LINGO2: variants seen among roughly 807,000 people sequenced by gnomAD.
LINGO2 encodes leucine rich repeat and Ig domain containing 2.
In LINGO2, 14 loss-of-function variants were observed where a neutral mutation model predicts 30.6. That is an observed-to-expected ratio of 0.46 (90% CI 0.30 to 0.72). The LOEUF (loss-of-function observed/expected upper bound fraction) is 0.72, where lower values mean the gene tolerates loss of function less well. Ranked by LOEUF, LINGO2 falls within the 30% of genes least tolerant of loss-of-function variation. The pLI, the probability that LINGO2 is intolerant of heterozygous loss-of-function variation, is 0.07. For synonymous variants in LINGO2, 317 were observed against 288.5 expected (o/e 1.10, Z -1.00); for missense variants, 729 against 751.7 (o/e 0.97, Z 0.35).
chr9:28,431,112 C>A (rs1823659114), intron 2 of LINGO2, among the ~76,000 whole-genome samples: 1 of 150,702 alleles, frequency 6.6e-6, no homozygotes, highest in South Asian at 2.1e-4. Context: ...ATAACCTAAT[C>A]TCAAAAGCCA....
intron 2 of LINGO2, among the ~76,000 whole-genome samples, chr9:28,453,488 A>T (rs975542864): frequency 6.6e-6 from 1 of 151,962 alleles, no homozygotes; most frequent in Non-Finnish European, 1.5e-5. Flanking sequence ...GAAATAAATA[A>T]AATATTCAGA....
chr9:29,186,417 A>G, the LINGO2 span, among the ~76,000 whole-genome samples: 1 of 152,270 alleles, frequency 6.6e-6, no homozygotes, highest in East Asian at 1.9e-4. Flanking sequence ...GGTCACATAT[A>G]TAGAACCAGG....
the LINGO2 span, among the ~76,000 whole-genome samples, chr9:28,708,463 C>A: frequency 6.6e-6 from 1 of 152,046 alleles, no homozygotes; most frequent in Non-Finnish European, 1.5e-5. Context: ...TCTCTGTATA[C>A]CTGAAACTGT....
the LINGO2 span, among the ~76,000 whole-genome samples, chr9:28,915,422 C>T: frequency 2.0e-5 from 3 of 151,832 alleles, no homozygotes; most frequent in African/African-American, 4.8e-5. Flanking sequence ...GAGAATCTAC[C>T]TTAGTAACAT....
At chr9:28,336,031 A>G (rs1825578073) in intron 3 of LINGO2, among the ~76,000 whole-genome samples, 1 of 152,116 alleles carries the variant, frequency 6.6e-6, no homozygotes, top group Admixed American at 6.5e-5. Context: ...CAGAGTGGTT[A>G]TACAATTTTA....
chr9:28,815,672 G>A, the LINGO2 span, among the ~76,000 whole-genome samples: 9 of 151,982 alleles, frequency 5.9e-5, no homozygotes, highest in Non-Finnish European at 1.2e-4. Context: ...AACAAAAATC[G>A]AAACCAAGAG....
the LINGO2 span, among the ~76,000 whole-genome samples, chr9:28,796,294 G>A: frequency 8.6e-5 from 13 of 151,974 alleles, 2 homozygotes; most frequent in Admixed American, 7.9e-4. Flanking sequence ...GAACACTATC[G>A]CTTTGATACA....
At chr9:28,722,604 G>A in the LINGO2 span, among the ~76,000 whole-genome samples, 7 of 152,048 alleles carry the variant, frequency 4.6e-5, no homozygotes, top group Non-Finnish European at 1.0e-4. Context: ...GACATATCAG[G>A]CACATCAAAG....
At chr9:28,942,306 C>T in the LINGO2 span, among the ~76,000 whole-genome samples, 1 of 152,128 alleles carries the variant, frequency 6.6e-6, no homozygotes, top group Non-Finnish European at 1.5e-5. Flanking sequence ...CTATATAAAA[C>T]TATAACTTGG....
chr9:27,951,757 C>A (rs1224571935), intron 5 of LINGO2, among the ~76,000 whole-genome samples: 3 of 152,044 alleles, frequency 2.0e-5, no homozygotes, highest in African/African-American at 7.2e-5. Context: ...TAGTTTGAAA[C>A]AATACTTTTA....
intron 4 of LINGO2, among the ~76,000 whole-genome samples, chr9:28,199,351 T>TCTTCCTCCTCCTCCTCCTCC (rs1290385489): frequency 6.7e-6 from 1 of 149,852 alleles, no homozygotes; most frequent in African/African-American, 2.4e-5. Context: ...CTTCTTTTTT[T>TCTTCCTCCTCCTCCTCCTCC]TTTTTTGAGA....
the LINGO2 span, among the ~76,000 whole-genome samples, chr9:28,908,095 T>C: frequency 6.6e-6 from 1 of 151,788 alleles, no homozygotes; most frequent in Admixed American, 6.6e-5. Context: ...CTATTTGATA[T>C]TAATACTTTA....
the LINGO2 span, among the ~76,000 whole-genome samples, chr9:28,742,268 CT>C: frequency 2.0e-4 from 4 of 20,176 alleles, no homozygotes; most frequent in Admixed American, 6.0e-4. Context: ...CCTACTCTGC[CT>C]TTTTTTTTTT....
intron 4 of LINGO2, among the ~76,000 whole-genome samples, chr9:28,186,308 G>A (rs979889108): frequency 6.6e-6 from 1 of 152,020 alleles, no homozygotes; most frequent in African/African-American, 2.4e-5. Context: ...GATACTACGA[G>A]GTACAAAAAG....
intron 4 of LINGO2, among the ~76,000 whole-genome samples, chr9:28,208,842 A>G (rs1820498431): frequency 6.6e-6 from 1 of 151,988 alleles, no homozygotes; most frequent in African/African-American, 2.4e-5. Flanking sequence ...TTCTGCAGGC[A>G]TTTAGGCTTC....
In LINGO2 at chr9:28,201,199, G is replaced by A. The variant is rs543366486; in HGVS notation, c.-87+94009C>T. On this transcript the variant is annotated intron_variant, in intron 4 of 5. Coordinates refer to ENST00000379992, the Ensembl canonical transcript of LINGO2. ...CCACTAACTCGTCATCTAGCATTAG[G>A]TATATCTCCCAATGCTATCCCTCCC... is the stretch of plus-strand genomic sequence containing the variant. Among the ~76,000 whole-genome samples the A allele has an allele frequency of 1.8e-4, 26 of 148,020 alleles. 1 individual carries two copies. The Admixed American group carries it at 1.8e-3, about 10-fold the overall frequency.
intron 1 of LINGO2, among the ~76,000 whole-genome samples, chr9:28,476,320 G>A (rs1235259002): frequency 6.6e-6 from 1 of 152,034 alleles, no homozygotes; most frequent in Non-Finnish European, 1.5e-5. Flanking sequence ...CTGTCGCCCA[G>A]GCTGGAGTGC....
At chr9:28,177,929 T>C (rs1385917245) in intron 4 of LINGO2, among the ~76,000 whole-genome samples, 2 of 152,160 alleles carry the variant, frequency 1.3e-5, no homozygotes, top group African/African-American at 2.4e-5. Flanking sequence ...ACTCTTTACA[T>C]TTTCTTTCTT....
At chr9:28,983,585 A>T in the LINGO2 span, among the ~76,000 whole-genome samples, 1 of 151,922 alleles carries the variant, frequency 6.6e-6, no homozygotes, top group Non-Finnish European at 1.5e-5. Flanking sequence ...TCCTGAAACT[A>T]TATGAACGGA....
Sources: gnomAD v4.1 joint callset for allele counts (sites outside exome capture counted in the v4.1 genomes callset) on GRCh38, gnomAD v4.1.1 for gene constraint, MANE v1.5 for transcripts, NCBI Gene and HGNC (gene_info 2026-07-23, HGNC 2026-07-21) for gene names.